Variants in CEP170 observed in about 807,000 individuals in gnomAD.
The protein encoded by CEP170 is centrosomal protein of 170 kDa.
A neutral mutation model predicts 151.9 loss-of-function variants in CEP170; 21 were observed. The observed-to-expected ratio is 0.14, with a 90% confidence interval of 0.10 to 0.20. The LOEUF (loss-of-function observed/expected upper bound fraction) is 0.20, where lower values mean the gene tolerates loss of function less well. Among genes scored for constraint, CEP170 ranks in the 10% least tolerant of loss-of-function variants. The pLI, the probability that CEP170 is intolerant of heterozygous loss-of-function variation, is 1.00. For missense variants in CEP170, 964 were observed against 1,892.9 expected, an observed-to-expected ratio of 0.51 and a Z score of 9.11; for synonymous variants, 356 against 648.8, an observed-to-expected ratio of 0.55 and a Z score of 6.86.
chr1:243,249,494 C>T (rs887855004), intron 1 of CEP170, among the ~76,000 whole-genome samples: 2 of 151,878 alleles, frequency 1.3e-5, no homozygotes, highest in African/African-American at 4.8e-5. Context: ...ATAAAAATAG[C>T]TACTTACTGG....
At chr1:243,240,359 A>G (rs1269470464) in intron 1 of CEP170, among the ~76,000 whole-genome samples, 1 of 152,214 alleles carries the variant, frequency 6.6e-6, no homozygotes, top group Non-Finnish European at 1.5e-5. Context: ...TAGAATTGCA[A>G]TAAGCAATCC....
At chr1:243,150,310 C>T (rs534606764) in intron 14 of CEP170, among the ~76,000 whole-genome samples, 1 of 152,126 alleles carries the variant, frequency 6.6e-6, no homozygotes, top group South Asian at 2.1e-4. Flanking sequence ...GCCATCACAC[C>T]CGGCTAATTT....
At position 243,124,449 on chromosome 1, in the gene CEP170, T is replaced by C. The variant is rs2053555605; in HGVS notation, c.*2000A>G. On this transcript the variant is annotated 3_prime_UTR_variant, in exon 20 of 20. Transcript: ENST00000366542. Reference sequence around the variant, plus strand: ...TGTATAAAGTTCCAGAAACACTTTATTTAAAAATGGAGTTGTAAATGCATA... The same window carrying C: ...TGTATAAAGTTCCAGAAACACTTTACTTAAAAATGGAGTTGTAAATGCATA... The C allele has an allele frequency of 6.6e-6, 1 of 152,610 alleles. No homozygotes were observed. The allele number at this position is 152,610 out of a possible 1,614,324, so 9.5% of individuals were successfully genotyped here. A position where few individuals can be genotyped will look rare whatever the true frequency, so the allele number is the denominator to read the frequency against.
chr1:243,228,400 G>C (rs1191569116), intron 1 of CEP170, among the ~76,000 whole-genome samples: 1 of 152,040 alleles, frequency 6.6e-6, no homozygotes, highest in Non-Finnish European at 1.5e-5. Context: ...AGATGTTGTT[G>C]GTCTTCCATC....
intron 4 of CEP170, 141 bp from the exon 5 acceptor site, chr1:243,200,976 T>A (rs1418382903): frequency 1.1e-5 from 8 of 713,758 alleles, no homozygotes; most frequent in Non-Finnish European, 1.8e-5. Context: ...TAGTTAAATA[T>A]TAAAATATGG....
chr1:243,229,761 G>C (rs6679924), intron 1 of CEP170, among the ~76,000 whole-genome samples: 8,092 of 152,118 alleles, frequency 0.053, 459 homozygotes, highest in African/African-American at 0.15. Context: ...CAATACCCAC[G>C]GACCTAAGAA....
chr1:243,220,821 A>G (rs1372353771), intron 3 of CEP170, among the ~76,000 whole-genome samples: 3 of 152,220 alleles, frequency 2.0e-5, no homozygotes, highest in Non-Finnish European at 4.4e-5. Flanking sequence ...TATTATGCCA[A>G]ATGTAGACAG....
At chr1:243,147,247 C>T (rs541892382) in intron 14 of CEP170, among the ~76,000 whole-genome samples, 2 of 152,184 alleles carry the variant, frequency 1.3e-5, no homozygotes, top group African/African-American at 4.8e-5. Context: ...TCCCCTGAAG[C>T]CTTTTCCTGG....
chr1:243,129,909 A>G (rs1351468883), intron 17 of CEP170, among the ~76,000 whole-genome samples: 1 of 151,980 alleles, frequency 6.6e-6, no homozygotes, highest in Non-Finnish European at 1.5e-5. Flanking sequence ...TTTTTTTTAC[A>G]GTATATTGTT....
chr1:243,154,425 T>C (rs2057377849), intron 14 of CEP170, among the ~76,000 whole-genome samples: 1 of 152,248 alleles, frequency 6.6e-6, no homozygotes, highest in South Asian at 2.1e-4. Flanking sequence ...CACTGCTCTA[T>C]AGAAACATTA....
At chr1:243,166,174 A>T in intron 12 of CEP170, 58 bp from the exon 13 acceptor site, 1 of 1,566,618 alleles carries the variant, frequency 6.4e-7, no homozygotes, top group South Asian at 1.2e-5. Flanking sequence ...TAAAAATAAA[A>T]GGAGCATCAT....
intron 10 of CEP170, among the ~76,000 whole-genome samples, chr1:243,178,213 C>T (rs888365614): frequency 1.8e-4 from 26 of 147,828 alleles, no homozygotes; most frequent in African/African-American, 6.2e-4. Flanking sequence ...CTTGTAGTCC[C>T]AGCTACTAGC....
At chr1:243,200,086 A>G (rs1489865300) in intron 6 of CEP170, among the ~76,000 whole-genome samples, 1 of 151,986 alleles carries the variant, frequency 6.6e-6, no homozygotes, top group Admixed American at 6.6e-5. Context: ...GCCAAGTACT[A>G]TTAAACAAAT....
intron 8 of CEP170, 62 bp downstream of exon 8, chr1:243,190,956 A>G: frequency 2.7e-6 from 4 of 1,463,332 alleles, no homozygotes; most frequent in Non-Finnish European, 3.6e-6. Context: ...GTAGTCTAGT[A>G]AATGAAGACC....
chr1:243,135,188 G>C (rs1041861929), intron 17 of CEP170, among the ~76,000 whole-genome samples: 2 of 152,028 alleles, frequency 1.3e-5, no homozygotes, highest in East Asian at 1.9e-4. Flanking sequence ...AGAAAGTCTG[G>C]TACACCTTCA....
intron 3 of CEP170, among the ~76,000 whole-genome samples, chr1:243,217,459 A>C (rs1218775592): frequency 6.6e-6 from 1 of 152,230 alleles, no homozygotes; most frequent in Non-Finnish European, 1.5e-5. Context: ...TAACTCTCTT[A>C]AATATTAAGC....
intron 10 of CEP170, among the ~76,000 whole-genome samples, chr1:243,184,975 C>A (rs2059850053): frequency 6.6e-6 from 1 of 152,126 alleles, no homozygotes; most frequent in South Asian, 2.1e-4. Context: ...TAACGTTTAG[C>A]CAAACGGATA....
chr1:243,186,095 T>G, intron 9 of CEP170, 23 bp from the exon 10 acceptor site: 3 of 1,613,562 alleles, frequency 1.9e-6, no homozygotes, highest in East Asian at 4.5e-5. Flanking sequence ...AGAAACCACT[T>G]TGGCATCTGC....
intron 1 of CEP170, among the ~76,000 whole-genome samples, chr1:243,243,716 C>A (rs2149144988): frequency 6.6e-6 from 1 of 152,050 alleles, no homozygotes. Context: ...AAAGTAGAGA[C>A]AGGGTTTCAC....
Sources: allele counts gnomAD v4.1 joint callset (sites outside exome capture counted in the v4.1 genomes callset), GRCh38; gene constraint gnomAD v4.1.1; transcripts MANE v1.5; gene names NCBI Gene and HGNC (gene_info 2026-07-23, HGNC 2026-07-21).